CA10: variants seen among roughly 807,000 people sequenced by gnomAD.
CA10 encodes carbonic anhydrase 10 (inactive).
In CA10, 14 loss-of-function variants were observed where a neutral mutation model predicts 44.2. That is an observed-to-expected ratio of 0.32 (90% confidence interval 0.21 to 0.50). The LOEUF (loss-of-function observed/expected upper bound fraction) is 0.50, where lower values mean the gene tolerates loss of function less well. Ranked by LOEUF, CA10 falls within the 20% of genes least tolerant of loss-of-function variation. The pLI, the probability that CA10 is intolerant of heterozygous loss-of-function variation, is 0.99. For synonymous variants in CA10, 159 were observed against 141.6 expected (o/e 1.12, Z -0.87); for missense variants, 350 against 409.7 (o/e 0.85, Z 1.26).
At chr17:51,841,584 T>A (rs973580211) in intron 3 of CA10, among the ~76,000 whole-genome samples, 4 of 152,194 alleles carry the variant, frequency 2.6e-5, no homozygotes, top group African/African-American at 9.6e-5. Flanking sequence ...GAAATTGGAC[T>A]AGAGTTCATT....
intron 3 of CA10, among the ~76,000 whole-genome samples, chr17:51,811,190 G>GAAAAAAAA (rs35275627): frequency 8.0e-6 from 1 of 125,216 alleles, no homozygotes; most frequent in African/African-American, 3.0e-5. Flanking sequence ...ACTCCATCTC[G>GAAAAAAAA]AAAAAAAAAA....
chr17:52,052,558 T>A (rs1987107313), intron 2 of CA10, among the ~76,000 whole-genome samples: 1 of 152,056 alleles, frequency 6.6e-6, no homozygotes, highest in Non-Finnish European at 1.5e-5. Context: ...TCAATAAATA[T>A]GAACAAGTGG....
chr17:52,102,781 C>T (rs185773687), intron 1 of CA10, among the ~76,000 whole-genome samples: 5 of 152,308 alleles, frequency 3.3e-5, no homozygotes, highest in Admixed American at 6.5e-5. Context: ...TATCTTTTAA[C>T]AGTATTCTTC....
chr17:51,718,372 T>C (rs1483492578), intron 4 of CA10, among the ~76,000 whole-genome samples: 1 of 152,168 alleles, frequency 6.6e-6, no homozygotes, highest in African/African-American at 2.4e-5. Flanking sequence ...GTTGAGCTAA[T>C]CACCAATGAC....
chr17:51,738,068 G>C (rs1916971916), intron 4 of CA10, among the ~76,000 whole-genome samples: 1 of 152,114 alleles, frequency 6.6e-6, no homozygotes, highest in Non-Finnish European at 1.5e-5. Flanking sequence ...ATAAATCTAA[G>C]GCTTCCACCA....
intron 3 of CA10, among the ~76,000 whole-genome samples, chr17:51,759,116 T>A (rs1182069173): frequency 2.6e-5 from 4 of 152,096 alleles, no homozygotes; most frequent in South Asian, 2.1e-4. Flanking sequence ...GCCTGGAGAG[T>A]TCTTGTCAAG....
At chr17:51,795,611 C>A (rs1488343247) in intron 3 of CA10, among the ~76,000 whole-genome samples, 5 of 152,192 alleles carry the variant, frequency 3.3e-5, no homozygotes, top group Non-Finnish European at 2.9e-5. Flanking sequence ...ATTAACAGAA[C>A]AAAGGTGCCT....
intron 3 of CA10, among the ~76,000 whole-genome samples, chr17:51,849,782 C>T (rs915027620): frequency 2.6e-5 from 4 of 152,110 alleles, no homozygotes; most frequent in African/African-American, 9.7e-5. Context: ...AAAAACCACT[C>T]GGGAAATGGG....
chr17:51,729,224 C>A (rs1916629407), intron 4 of CA10, among the ~76,000 whole-genome samples: 1 of 152,186 alleles, frequency 6.6e-6, no homozygotes, highest in African/African-American at 2.4e-5. Context: ...CACACTTAGG[C>A]CTTGGTGCTG....
chr17:52,049,085 C>T (rs983691425), intron 2 of CA10, among the ~76,000 whole-genome samples: 1 of 151,952 alleles, frequency 6.6e-6, no homozygotes, highest in Non-Finnish European at 1.5e-5. Context: ...TGAGTTTGAG[C>T]AATATTGACT....
At chr17:52,063,443 A>T (rs1158604987) in intron 2 of CA10, among the ~76,000 whole-genome samples, 1 of 151,850 alleles carries the variant, frequency 6.6e-6, no homozygotes, top group Non-Finnish European at 1.5e-5. Context: ...GACCCTTCAA[A>T]CCTCATGTTG....
chr17:52,070,785 G>GA lies in CA10; in HGVS notation c.136+1533dup, dbSNP rs1200758718. Among the ~76,000 whole-genome samples, 6 of 152,160 alleles carry GA rather than the reference G, an allele frequency of 3.9e-5. No homozygotes were observed. The East Asian group carries it at 5.8e-4, about 15-fold the overall frequency. On this transcript the variant is annotated intron_variant, in intron 2 of 8. Transcript: ENST00000451037. ...TTTAAAGAAAGAATGTGACAACAGAGAAAAAAACATCGAAAAATGTGAGGC... is the reference window on the plus strand; with the variant it reads ...TTTAAAGAAAGAATGTGACAACAGAGAAAAAAAACATCGAAAAATGTGAGGC...
chr17:51,715,205 A>G (rs1007927661), intron 4 of CA10, among the ~76,000 whole-genome samples: 55 of 151,590 alleles, frequency 3.6e-4, no homozygotes, highest in African/African-American at 1.2e-3. Context: ...ATCACACACC[A>G]GGGACTGTTG....
intron 3 of CA10, among the ~76,000 whole-genome samples, chr17:51,818,960 A>AC (rs1177817522): frequency 6.6e-6 from 1 of 152,170 alleles, no homozygotes; most frequent in Non-Finnish European, 1.5e-5. Flanking sequence ...TAGCTGCCCA[A>AC]CATAAGGCTC....
chr17:51,857,624 A>G (rs1355591283), intron 3 of CA10, among the ~76,000 whole-genome samples: 2 of 152,154 alleles, frequency 1.3e-5, no homozygotes, highest in African/African-American at 4.8e-5. Flanking sequence ...CTATCGCAAC[A>G]AACTATTAGC....
intron 1 of CA10, among the ~76,000 whole-genome samples, chr17:52,086,687 A>G (rs760879434): frequency 5.9e-5 from 9 of 152,180 alleles, no homozygotes; most frequent in Non-Finnish European, 1.0e-4. Context: ...CTTAAAATGG[A>G]CCAAGAAGAG....
At chr17:51,831,732 G>GCCGCCGCCGCCGC (rs1567854679) in intron 3 of CA10, among the ~76,000 whole-genome samples, 3 of 145,942 alleles carry the variant, frequency 2.1e-5, no homozygotes, top group African/African-American at 7.6e-5. Context: ...AGCAGCAGCA[G>GCCGCCGCCGCCGC]AAAAAGACCT....
At chr17:51,638,402 C>T (rs1375308570) in intron 6 of CA10, among the ~76,000 whole-genome samples, 1 of 152,184 alleles carries the variant, frequency 6.6e-6, no homozygotes, top group Non-Finnish European at 1.5e-5. Context: ...AATGTTTCTA[C>T]CTTTCCGTCA....
At chr17:51,935,538 A>G (rs1982832655) in intron 2 of CA10, among the ~76,000 whole-genome samples, 1 of 152,172 alleles carries the variant, frequency 6.6e-6, no homozygotes, top group Admixed American at 6.5e-5. Context: ...TTGCAAATTA[A>G]TTTTCACACA....
Sources: allele counts gnomAD v4.1 joint callset (sites outside exome capture counted in the v4.1 genomes callset), GRCh38; gene constraint gnomAD v4.1.1; transcripts MANE v1.5; gene names NCBI Gene and HGNC (gene_info 2026-07-23, HGNC 2026-07-21).